ARL15: variants seen among roughly 807,000 people sequenced by gnomAD.
ARL15 encodes ADP-ribosylation factor-like protein 15.
ARL15 carries 19 observed loss-of-function variants against 25.2 expected under a neutral mutation model. That is an observed-to-expected ratio of 0.75 (90% CI 0.53 to 1.10). The LOEUF (loss-of-function observed/expected upper bound fraction) is 1.10. Ranked by LOEUF, ARL15 falls within the 50% of genes least tolerant of loss-of-function variation. The pLI is 0.00. For missense variants in ARL15, 220 were observed against 246.0 expected (o/e 0.89, Z 0.71); for synonymous variants, 94 against 86.8 (o/e 1.08, Z -0.46).
chr5:53,947,170 GTGT>G (rs1561160930), intron 4 of ARL15, among the ~76,000 whole-genome samples: 820 of 45,408 alleles, frequency 0.018, 7 homozygotes, highest in African/African-American at 0.066. Context: ...AAATAAGGGT[GTGT>G]GTGTGTGTGT....
intron 4 of ARL15, among the ~76,000 whole-genome samples, chr5:54,088,145 G>A (rs1752031144): frequency 3.9e-5 from 6 of 152,164 alleles, no homozygotes; most frequent in Admixed American, 3.9e-4. Flanking sequence ...AAGCATATGG[G>A]AAGGTGATAA....
At chr5:54,293,155 T>G (rs1279446801) in intron 1 of ARL15, among the ~76,000 whole-genome samples, 1 of 152,176 alleles carries the variant, frequency 6.6e-6, no homozygotes, top group African/African-American at 2.4e-5. Flanking sequence ...CATTGCACAG[T>G]GAGCTACTTT....
intron 4 of ARL15, among the ~76,000 whole-genome samples, chr5:54,075,183 G>C (rs1189577966): frequency 6.6e-6 from 1 of 150,584 alleles, no homozygotes; most frequent in Admixed American, 6.6e-5. Flanking sequence ...TAATTTAGAT[G>C]GTTAAATGAA....
intron 4 of ARL15, among the ~76,000 whole-genome samples, chr5:53,942,922 A>T (rs1407805242): frequency 6.6e-6 from 1 of 152,136 alleles, no homozygotes; most frequent in Non-Finnish European, 1.5e-5. Context: ...GGAAGGAGGG[A>T]TGGATCCGCT....
At chr5:53,967,367 G>T (rs1747599322) in intron 4 of ARL15, among the ~76,000 whole-genome samples, 1 of 152,188 alleles carries the variant, frequency 6.6e-6, no homozygotes, top group African/African-American at 2.4e-5. Context: ...TGAATGATAA[G>T]ATCAAGCCAA....
chr5:54,116,137 AGTC>A (rs1278480435), intron 3 of ARL15, among the ~76,000 whole-genome samples: 1 of 152,186 alleles, frequency 6.6e-6, no homozygotes, highest in Non-Finnish European at 1.5e-5. Context: ...ACCCTTGTAT[AGTC>A]ATTAGCCATC....
At chr5:54,077,030 C>T (rs1272636274) in intron 4 of ARL15, among the ~76,000 whole-genome samples, 1 of 152,142 alleles carries the variant, frequency 6.6e-6, no homozygotes, top group East Asian at 1.9e-4. Flanking sequence ...TCAAGTAACC[C>T]CAAAGATGTT....
chr5:53,939,738 A>T (rs995266403), intron 4 of ARL15, among the ~76,000 whole-genome samples: 5 of 152,138 alleles, frequency 3.3e-5, no homozygotes, highest in Non-Finnish European at 7.4e-5. Flanking sequence ...CGTCTCAAAA[A>T]AAAATAAAAT....
At chr5:54,137,958 A>T (rs1420060724) in intron 3 of ARL15, among the ~76,000 whole-genome samples, 1 of 152,140 alleles carries the variant, frequency 6.6e-6, no homozygotes, top group Non-Finnish European at 1.5e-5. Context: ...ACAAAAGAGA[A>T]TTTTAGAGTC....
chr5:53,983,054 A>G (rs995252753), intron 4 of ARL15, among the ~76,000 whole-genome samples: 15 of 152,084 alleles, frequency 9.9e-5, no homozygotes, highest in Non-Finnish European at 2.1e-4. Context: ...TGTAAACTGC[A>G]CCCAGCGGTT....
At position 54,170,708 on chromosome 5, in the gene ARL15, T is replaced by C. The variant is rs576476458; in HGVS notation, c.193+1076A>G. Among the ~76,000 whole-genome samples, 6 of 152,168 alleles carry C rather than the reference T, an allele frequency of 3.9e-5. No individual in the cohort carries two copies. In the South Asian group the frequency reaches 1.2e-3, roughly 32 times the overall value. On this transcript the variant is annotated intron_variant, in intron 2 of 4. Transcript: ENST00000504924. ...CTAATGTAGCAAACCAAATCATGCA[T>C]CCTTCCCTTCCCCAGGTCCAGGCAA...
intron 4 of ARL15, among the ~76,000 whole-genome samples, chr5:54,076,946 A>T (rs899912791): frequency 6.6e-6 from 1 of 152,214 alleles, no homozygotes; most frequent in Non-Finnish European, 1.5e-5. Flanking sequence ...TCTTCCTCTT[A>T]GCAGTTGCTG....
intron 4 of ARL15, among the ~76,000 whole-genome samples, chr5:53,968,083 T>A (rs1203813883): frequency 6.6e-6 from 1 of 152,118 alleles, no homozygotes; most frequent in African/African-American, 2.4e-5. Context: ...ATGAGAGATG[T>A]GAGTGGCAAC....
chr5:54,081,549 G>A (rs1429636220), intron 4 of ARL15, among the ~76,000 whole-genome samples: 1 of 152,136 alleles, frequency 6.6e-6, no homozygotes, highest in Non-Finnish European at 1.5e-5. Flanking sequence ...ACTAGATCAT[G>A]AAGGTGGTTT....
intron 3 of ARL15, among the ~76,000 whole-genome samples, chr5:54,140,650 C>T (rs1753749815): frequency 6.6e-6 from 1 of 152,082 alleles, no homozygotes; most frequent in Non-Finnish European, 1.5e-5. Context: ...CTCAACCAGG[C>T]ATTTTGCCAA....
Position 54,071,044 on chromosome 5 carries a change from C to A in ARL15, c.462+42158G>T, listed in dbSNP as rs370652039. Among the ~76,000 whole-genome samples, 4 of 151,958 alleles carry A rather than the reference C, an allele frequency of 2.6e-5. No individual in the cohort carries two copies. In the East Asian group the frequency reaches 5.9e-4, roughly 22 times the overall value. The stretch of plus-strand genomic sequence containing the variant: ...AATTAGCCAGGGGTGGTGGCACATG[C>A]CTGCAGTCCCTGCTACTTGGGAGGC... On this transcript the variant is annotated intron_variant, in intron 4 of 4. Transcript: ENST00000504924.
At chr5:53,958,983 T>G (rs1035643579) in intron 4 of ARL15, among the ~76,000 whole-genome samples, 1 of 152,134 alleles carries the variant, frequency 6.6e-6, no homozygotes, top group African/African-American at 2.4e-5. Flanking sequence ...TACCTCACTT[T>G]CAATAATAGA....
intron 1 of ARL15, among the ~76,000 whole-genome samples, chr5:54,172,585 A>G (rs1394507577): frequency 6.6e-6 from 1 of 152,192 alleles, no homozygotes; most frequent in Non-Finnish European, 1.5e-5. Context: ...CTAATTATTT[A>G]TAATACCTCT....
intron 1 of ARL15, among the ~76,000 whole-genome samples, chr5:54,207,709 TG>T (rs1169426365): frequency 2.0e-5 from 3 of 152,132 alleles, no homozygotes; most frequent in Non-Finnish European, 4.4e-5. Flanking sequence ...GAAAGAAAGG[TG>T]GGCCACAAGA....
Sources: allele counts gnomAD v4.1 joint callset (sites outside exome capture counted in the v4.1 genomes callset), GRCh38; gene constraint gnomAD v4.1.1; transcripts MANE v1.5; gene names NCBI Gene and HGNC (gene_info 2026-07-23, HGNC 2026-07-21).